The following SPOCK1 variants were observed in gnomAD, a reference collection of about 807,000 sequenced individuals.
The protein encoded by SPOCK1 is SPARC (osteonectin), cwcv and kazal like domains proteoglycan 1.
Under a neutral mutation model 55.3 loss-of-function variants are expected in SPOCK1, and 23 were observed. The observed-to-expected ratio is 0.42, with a 90% CI of 0.30 to 0.59. SPOCK1 has a LOEUF of 0.59. Among genes scored for constraint, SPOCK1 ranks in the 20% least tolerant of loss-of-function variants. The pLI is 0.22. For missense variants in SPOCK1, 499 were observed against 552.5 expected, an observed-to-expected ratio of 0.90 and a Z score of 0.97; for synonymous variants, 226 against 221.0, an observed-to-expected ratio of 1.02 and a Z score of -0.20.
chr5:137,266,314 A>G (rs6867800), intron 3 of SPOCK1, among the ~76,000 whole-genome samples: 61,646 of 152,068 alleles, frequency 0.41, 13,622 homozygotes, highest in Non-Finnish European at 0.48. Flanking sequence ...GCAATCTACC[A>G]TCATTTTCAA....
intron 5 of SPOCK1, among the ~76,000 whole-genome samples, chr5:137,110,726 T>TA (rs1003472206): frequency 5.3e-5 from 8 of 152,170 alleles, no homozygotes; most frequent in Non-Finnish European, 7.4e-5. Context: ...GGTCTGGAGT[T>TA]AGAGTTAAGG....
chr5:137,101,890 G>T (rs1222270926), intron 5 of SPOCK1, among the ~76,000 whole-genome samples: 1 of 152,152 alleles, frequency 6.6e-6, no homozygotes, highest in East Asian at 1.9e-4. Context: ...AATGACACTA[G>T]ATCACATTCC....
chr5:137,360,413 A>G (rs1458985128), intron 2 of SPOCK1, among the ~76,000 whole-genome samples: 2 of 152,230 alleles, frequency 1.3e-5, no homozygotes, highest in African/African-American at 2.4e-5. Context: ...GGCAGACAGG[A>G]TCCGGGATCT....
At chr5:137,193,749 G>A (rs563905052) in intron 3 of SPOCK1, among the ~76,000 whole-genome samples, 73 of 152,284 alleles carry the variant, frequency 4.8e-4, no homozygotes, top group Non-Finnish European at 9.1e-4. Context: ...AGGTCTGAAT[G>A]GTGTCCATGA....
chr5:137,103,475 T>C (rs1753309450), intron 5 of SPOCK1, among the ~76,000 whole-genome samples: 1 of 152,188 alleles, frequency 6.6e-6, no homozygotes, highest in African/African-American at 2.4e-5. Flanking sequence ...TCTATCCTAC[T>C]GGCTGGATGT....
At chr5:137,449,381 A>T (rs1753201151) in intron 2 of SPOCK1, among the ~76,000 whole-genome samples, 1 of 152,224 alleles carries the variant, frequency 6.6e-6, no homozygotes, top group African/African-American at 2.4e-5. Context: ...ATAACCAGTT[A>T]GTTTCCTCAG....
At chr5:137,099,217 T>C (rs1465981720) in intron 5 of SPOCK1, among the ~76,000 whole-genome samples, 7 of 152,122 alleles carry the variant, frequency 4.6e-5, no homozygotes, top group Non-Finnish European at 7.4e-5. Context: ...GGTACCAGCA[T>C]CAAAAATGAG....
chr5:137,112,244 C>T (rs1357966519), intron 5 of SPOCK1, among the ~76,000 whole-genome samples, 191 bp downstream of exon 5: 1 of 152,174 alleles, frequency 6.6e-6, no homozygotes, highest in Non-Finnish European at 1.5e-5. Context: ...CCCAGTTACA[C>T]AGGATAGAAT....
At chr5:137,311,925 GCA>G (rs1394006552) in intron 2 of SPOCK1, among the ~76,000 whole-genome samples, 2 of 152,072 alleles carry the variant, frequency 1.3e-5, no homozygotes, top group Non-Finnish European at 2.9e-5. Context: ...GCCTAGCATC[GCA>G]GTGTATGCCT....
In SPOCK1 at chr5:136,977,849, T is replaced by C. The variant is rs538813021; in HGVS notation, c.*805A>G. On this transcript the variant is annotated 3_prime_UTR_variant, in exon 11 of 11. Transcript: ENST00000394945. ...CTGTTAGTGCAAAAAAGGACTTTAA[T>C]ACAAATTTCTTATTCCAGAAATTTT... 1 of 398,912 alleles carries C rather than the reference T, an allele frequency of 2.5e-6. No individual in the cohort carries two copies. The highest frequency in any genetic ancestry group is 1.3e-4 in the South Asian group (1 of 7,856). 24.7% of individuals were successfully genotyped at this position (398,912 alleles called of 1,614,324 possible).
At chr5:137,253,471 T>C (rs1485936165) in intron 3 of SPOCK1, among the ~76,000 whole-genome samples, 1 of 152,224 alleles carries the variant, frequency 6.6e-6, no homozygotes, top group South Asian at 2.1e-4. Flanking sequence ...GGAAATTCTA[T>C]GGGGAGTCAT....
At chr5:137,008,325 CACACAA>C (rs1751291050) in intron 6 of SPOCK1, among the ~76,000 whole-genome samples, 1 of 151,320 alleles carries the variant, frequency 6.6e-6, no homozygotes, top group Non-Finnish European at 1.5e-5. Flanking sequence ...CACACACACA[CACACAA>C]TCAACACAGT....
At chr5:137,283,721 A>T (rs1421665756) in intron 2 of SPOCK1, among the ~76,000 whole-genome samples, 1 of 151,818 alleles carries the variant, frequency 6.6e-6, no homozygotes, top group East Asian at 1.9e-4. Context: ...TCTCAAAAAC[A>T]AGATGAAACA....
At chr5:137,145,680 C>T (rs1286234794) in intron 3 of SPOCK1, among the ~76,000 whole-genome samples, 1 of 152,230 alleles carries the variant, frequency 6.6e-6, no homozygotes, top group Non-Finnish European at 1.5e-5. Flanking sequence ...TCTTCCAGCT[C>T]TCCAGGGGTT....
chr5:137,073,265 A>G (rs1752651466), intron 5 of SPOCK1, among the ~76,000 whole-genome samples: 1 of 152,226 alleles, frequency 6.6e-6, no homozygotes, highest in African/African-American at 2.4e-5. Flanking sequence ...GAGTCAGGGA[A>G]TTAAGCAAGA....
intron 5 of SPOCK1, among the ~76,000 whole-genome samples, chr5:137,112,028 C>T (rs754611130): frequency 6.6e-6 from 1 of 152,086 alleles, no homozygotes; most frequent in Non-Finnish European, 1.5e-5. Context: ...TAGGTGTGCA[C>T]TGATGTCACA....
At chr5:137,317,637 T>C (rs1757903722) in intron 2 of SPOCK1, among the ~76,000 whole-genome samples, 1 of 152,204 alleles carries the variant, frequency 6.6e-6, no homozygotes, top group South Asian at 2.1e-4. Flanking sequence ...ACAGGTATTG[T>C]TCTTCACCAT....
chr5:137,131,832 T>C (rs1484666604), intron 4 of SPOCK1, among the ~76,000 whole-genome samples: 2 of 146,248 alleles, frequency 1.4e-5, no homozygotes, highest in Non-Finnish European at 3.0e-5. Context: ...ATTAGCCGGG[T>C]GTAGGGGCGG....
Position 137,140,713 on chromosome 5 carries a change from G to C in SPOCK1, c.233-19C>G, listed in dbSNP as rs1754077834. ...TCCAGGGCTGAGGCAAAAACAAGAA[G>C]GAGGGCAGGGTTTAGGACCTCCAGG... On this transcript the variant is annotated intron_variant, in intron 3 of 10. Transcript: ENST00000394945. 2.0e-6 allele frequency: 3 copies of C among 1,509,782 alleles called. No homozygotes were observed. The highest frequency in any genetic ancestry group is 2.4e-5 in the South Asian group (2 of 81,840). 93.5% of individuals were successfully genotyped at this position (1,509,782 alleles called of 1,614,324 possible).
Sources: gnomAD v4.1 joint callset for allele counts (sites outside exome capture counted in the v4.1 genomes callset) on GRCh38, gnomAD v4.1.1 for gene constraint, MANE v1.5 for transcripts, NCBI Gene and HGNC (gene_info 2026-07-23, HGNC 2026-07-21) for gene names.